The following ADAMTS12 variants were observed in gnomAD, a reference collection of about 807,000 sequenced individuals.
ADAMTS12 encodes the protein ADAM metallopeptidase with thrombospondin type 1 motif 12.
In ADAMTS12, 118 loss-of-function variants were observed where a neutral mutation model predicts 167.8. That is an observed-to-expected ratio of 0.70 (90% CI 0.61 to 0.82). The LOEUF is 0.82. ADAMTS12 is among the 40% of genes least tolerant of loss of function. The pLI is 0.00. For missense variants in ADAMTS12, 1,916 were observed against 1,998.8 expected, an observed-to-expected ratio of 0.96 and a Z score of 0.79; for synonymous variants, 704 against 716.9, an observed-to-expected ratio of 0.98 and a Z score of 0.29.
chr5:33,854,513 A>G (rs912282286), intron 2 of ADAMTS12, among the ~76,000 whole-genome samples: 2 of 152,206 alleles, frequency 1.3e-5, no homozygotes, highest in Non-Finnish European at 2.9e-5. Flanking sequence ...AGCAGAGATC[A>G]TTCTCCATTC....
chr5:33,534,604 C>T (rs1025573600), intron 23 of ADAMTS12, among the ~76,000 whole-genome samples: 2 of 151,898 alleles, frequency 1.3e-5, no homozygotes, highest in Admixed American at 1.3e-4. Flanking sequence ...TTATGATACT[C>T]AATAAATAAT....
At chr5:33,809,057 T>G (rs961939837) in intron 2 of ADAMTS12, among the ~76,000 whole-genome samples, 2 of 152,214 alleles carry the variant, frequency 1.3e-5, no homozygotes, top group African/African-American at 4.8e-5. Flanking sequence ...TTTTTCTTAT[T>G]GAAGTAATTT....
intron 23 of ADAMTS12, among the ~76,000 whole-genome samples, chr5:33,529,766 C>T (rs971783700): frequency 1.3e-5 from 2 of 152,108 alleles, no homozygotes; most frequent in Non-Finnish European, 2.9e-5. Flanking sequence ...TTTAAGTGCC[C>T]TTAGGAATTG....
intron 16 of ADAMTS12, among the ~76,000 whole-genome samples, chr5:33,598,735 T>C (rs1738037092): frequency 6.6e-6 from 1 of 152,204 alleles, no homozygotes; most frequent in South Asian, 2.1e-4. Context: ...TTCGTGAGTG[T>C]GCATATGGCA....
intron 1 of ADAMTS12, among the ~76,000 whole-genome samples, chr5:33,890,450 T>G (rs1019416489): frequency 2.6e-5 from 4 of 152,192 alleles, no homozygotes; most frequent in Non-Finnish European, 4.4e-5. Context: ...AGAGAGGGAC[T>G]TGCTTCTGAT....
chr5:33,663,187 TA>T (rs1220695640), intron 5 of ADAMTS12, among the ~76,000 whole-genome samples: 2 of 152,230 alleles, frequency 1.3e-5, no homozygotes, highest in African/African-American at 4.8e-5. Context: ...ATAAAGAATT[TA>T]GATGGAAGAC....
At chr5:33,697,817 G>C (rs1467871578) in intron 3 of ADAMTS12, among the ~76,000 whole-genome samples, 1 of 152,262 alleles carries the variant, frequency 6.6e-6, no homozygotes, top group Non-Finnish European at 1.5e-5. Context: ...AATGGGGAAA[G>C]GGTACAGGGG....
intron 3 of ADAMTS12, among the ~76,000 whole-genome samples, chr5:33,712,688 A>G (rs879761950): frequency 6.6e-6 from 1 of 152,172 alleles, no homozygotes; most frequent in Non-Finnish European, 1.5e-5. Context: ...GATGATCTAC[A>G]TAACAAACTG....
Position 33,608,938 on chromosome 5 carries a change from G to C in ADAMTS12, c.2527+5300C>G, listed in dbSNP as rs76464074. ...GCATATTTAACCTGAATTACATGTA[G>C]GTGGGGTGGGATGAGAGCATTCATT... On this transcript the variant is annotated intron_variant, in intron 16 of 23. Coordinates refer to ENST00000504830, the MANE Select transcript of ADAMTS12 (RefSeq NM_030955.4). 8.4e-3 allele frequency among the ~76,000 whole-genome samples: 1,286 copies of C among 152,264 alleles called. 19 individuals are homozygous for C. The highest frequency in any genetic ancestry group is 0.029 in the African/African-American group (1,209 of 41,554).
In ADAMTS12 at chr5:33,534,921, A is replaced by G; in HGVS notation, c.4518T>C (p.Thr1506=). The part of the protein sequence containing the change: ...VQCVPSEGNK[T]EDQDQCLCDH... The stretch of plus-strand genomic sequence containing the variant: ...CACATAGACATTGGTCTTGGTCTTC[A>G]GTTTTATTGCCCTCTGAGGGCACAC... Residue 1506 remains threonine (T), a synonymous_variant, in exon 23 of 24, where the codon ACT becomes ACC. Coordinates refer to ENST00000504830, the MANE Select transcript of ADAMTS12 (RefSeq NM_030955.4). 1 of 1,614,058 alleles carries G rather than the reference A, an allele frequency of 6.2e-7. No individual in the cohort carries two copies.
intron 2 of ADAMTS12, among the ~76,000 whole-genome samples, chr5:33,813,243 C>T (rs145663647): frequency 2.1e-4 from 32 of 152,282 alleles, no homozygotes; most frequent in Non-Finnish European, 1.2e-4. Context: ...ATTTGTTTGT[C>T]TGCTTTTTTC....
chr5:33,558,212 A>G (rs1348837375), intron 20 of ADAMTS12, among the ~76,000 whole-genome samples: 1 of 152,162 alleles, frequency 6.6e-6, no homozygotes, highest in Non-Finnish European at 1.5e-5. Flanking sequence ...CTAGTGACAA[A>G]AAGGTTAGGG....
intron 22 of ADAMTS12, 91 bp from the exon 23 acceptor site, chr5:33,535,083 G>T: frequency 7.5e-7 from 1 of 1,333,008 alleles, no homozygotes; most frequent in East Asian, 2.4e-5. Flanking sequence ...CTGTGGTCAA[G>T]AATGGAAACA....
At chr5:33,646,668 C>T (rs1740678802) in intron 9 of ADAMTS12, among the ~76,000 whole-genome samples, 1 of 152,072 alleles carries the variant, frequency 6.6e-6, no homozygotes, top group South Asian at 2.1e-4. Context: ...GAAAACCTGA[C>T]ATAAAGTTTT....
intron 20 of ADAMTS12, among the ~76,000 whole-genome samples, chr5:33,554,744 C>T (rs1037175062): frequency 6.6e-6 from 1 of 152,110 alleles, no homozygotes; most frequent in African/African-American, 2.4e-5. Flanking sequence ...TGTAAAAATT[C>T]AGGTCCATAA....
intron 3 of ADAMTS12, among the ~76,000 whole-genome samples, chr5:33,705,049 T>G (rs1185122046): frequency 6.6e-6 from 1 of 152,090 alleles, no homozygotes; most frequent in East Asian, 1.9e-4. Flanking sequence ...TTTTTATTCC[T>G]TCCCTGTCTA....
chr5:33,838,889 T>G (rs970766636), intron 2 of ADAMTS12, among the ~76,000 whole-genome samples: 1 of 152,054 alleles, frequency 6.6e-6, no homozygotes, highest in African/African-American at 2.4e-5. Flanking sequence ...GGGCAGATAA[T>G]GGACTAAAAC....
chr5:33,787,621 CA>C (rs1490720231), intron 2 of ADAMTS12, among the ~76,000 whole-genome samples: 5 of 152,144 alleles, frequency 3.3e-5, no homozygotes, highest in African/African-American at 1.2e-4. Context: ...ACAGAGGCTG[CA>C]GGAATTGAGT....
rs2112176628 is a variant in ADAMTS12 at position 33,643,293 on chromosome 5, G to A, written c.1572+85C>T. On this transcript the variant is annotated intron_variant, in intron 10 of 23. Coordinates refer to ENST00000504830, the MANE Select transcript of ADAMTS12 (RefSeq NM_030955.4). ...ATCCACTGCTCTTCCCTTAGAGAGA[G>A]TTGCCCTCTAGGGCCTTCTCCTCAG... is the stretch of plus-strand genomic sequence containing the variant. 5 of 1,364,792 alleles carry A rather than the reference G, an allele frequency of 3.7e-6. No individual in the cohort carries two copies. The South Asian group carries it at 5.9e-5, about 16-fold the overall frequency. The allele number at this position is 1,364,792 out of a possible 1,614,324, so 84.5% of individuals were successfully genotyped here.
Sources: gnomAD v4.1 joint callset for allele counts (sites outside exome capture counted in the v4.1 genomes callset) on GRCh38, gnomAD v4.1.1 for gene constraint, MANE v1.5 for transcripts, NCBI Gene and HGNC (gene_info 2026-07-23, HGNC 2026-07-21) for gene names.